The following HMGCLL1 variants were observed in gnomAD, a reference collection of about 807,000 sequenced individuals.
HMGCLL1 encodes 3-hydroxy-3-methylglutaryl-CoA lyase like 1.
Under a neutral mutation model 39.1 loss-of-function variants are expected in HMGCLL1, and 36 were observed. The observed-to-expected ratio is 0.92, with a 90% CI of 0.71 to 1.22. The LOEUF (loss-of-function observed/expected upper bound fraction) is 1.22. Among genes scored for constraint, HMGCLL1 ranks in the 50% most tolerant of loss-of-function variants. HMGCLL1 has a pLI of 0.00. For synonymous variants in HMGCLL1, 149 were observed against 144.0 expected (o/e 1.03, Z -0.25); for missense variants, 451 against 416.5 (o/e 1.08, Z -0.72).
chr6:55,595,881 C>T, the HMGCLL1 span, among the ~76,000 whole-genome samples: 1 of 152,160 alleles, frequency 6.6e-6, no homozygotes, highest in South Asian at 2.1e-4. Context: ...GATAACATAA[C>T]ATTTACTCTT....
chr6:55,633,543 A>C, the HMGCLL1 span, among the ~76,000 whole-genome samples: 30 of 152,004 alleles, frequency 2.0e-4, no homozygotes, highest in African/African-American at 6.0e-4. Context: ...GGTCAGAAAA[A>C]AATTTTCTGC....
the HMGCLL1 span, among the ~76,000 whole-genome samples, chr6:55,655,536 G>GATAGA: frequency 6.8e-6 from 1 of 147,620 alleles, no homozygotes; most frequent in Non-Finnish European, 1.5e-5. Context: ...AGTTATATTG[G>GATAGA]TAGATAGATA....
Position 55,544,197 on chromosome 6 carries a change from TC to T in HMGCLL1, c.109-2058del, listed in dbSNP as rs1769820797. Among the ~76,000 whole-genome samples the T allele has an allele frequency of 2.0e-5, 3 of 152,080 alleles. No homozygotes were observed. The South Asian group carries it at 6.2e-4, about 32-fold the overall frequency. ...TGCTAAAATCTGAGATGGCAAATGG[TC>T]TGGTTTCTGAAACCTCTGGTTTCAG... is the stretch of plus-strand genomic sequence containing the variant. On this transcript the variant is annotated intron_variant, in intron 1 of 8. Transcript: ENST00000274901.
chr6:55,628,068 G>GTATAT, the HMGCLL1 span, among the ~76,000 whole-genome samples: 1 of 84 alleles, frequency 0.012, no homozygotes, highest in African/African-American at 0.083. Context: ...TATATATAGT[G>GTATAT]TATATATATA....
rs189274946 is a variant in HMGCLL1 at position 55,543,979 on chromosome 6, G to T, written c.109-1839C>A. ...AACTTGAATATGAATTTGGTTTTGG[G>T]AATTGGGCCCAGAAAACTGAGGCTA... On this transcript the variant is annotated intron_variant, in intron 1 of 8. Transcript: ENST00000274901. Among the ~76,000 whole-genome samples, 173 of 152,170 alleles carry T rather than the reference G, an allele frequency of 1.1e-3. 1 individual carries two copies. Among genetic ancestry groups the T allele is most frequent in the African/African-American group, 4.0e-3 (168 of 41,528 alleles).
chr6:55,607,131 A>C, the HMGCLL1 span, among the ~76,000 whole-genome samples: 3 of 152,162 alleles, frequency 2.0e-5, no homozygotes, highest in Non-Finnish European at 1.5e-5. Context: ...TAGCACTAGA[A>C]TAGCTCACTT....
chr6:55,541,521 A>T (rs1371259336), intron 3 of HMGCLL1, among the ~76,000 whole-genome samples: 3 of 152,182 alleles, frequency 2.0e-5, no homozygotes, highest in Non-Finnish European at 2.9e-5. Context: ...ATATTGAACC[A>T]TACTCACACA....
chr6:55,486,461 G>A (rs1360097620), intron 7 of HMGCLL1, among the ~76,000 whole-genome samples: 2 of 151,900 alleles, frequency 1.3e-5, no homozygotes, highest in Non-Finnish European at 2.9e-5. Context: ...GCATGTTTGT[G>A]GCCCTGTGGA....
At chr6:55,664,482 G>A in the HMGCLL1 span, among the ~76,000 whole-genome samples, 3 of 151,650 alleles carry the variant, frequency 2.0e-5, no homozygotes, top group East Asian at 1.9e-4. Context: ...TATATACAGA[G>A]ATTAATAATA....
the HMGCLL1 span, among the ~76,000 whole-genome samples, chr6:55,674,023 G>A: frequency 6.6e-6 from 1 of 151,910 alleles, no homozygotes; most frequent in Non-Finnish European, 1.5e-5. Context: ...GAATGCAAAT[G>A]GAATAAGATG....
intron 1 of HMGCLL1, among the ~76,000 whole-genome samples, chr6:55,570,681 A>G (rs1771434068): frequency 6.6e-6 from 1 of 152,194 alleles, no homozygotes; most frequent in South Asian, 2.1e-4. Flanking sequence ...AGTGAAATTC[A>G]CTGGACTTTT....
At chr6:55,619,818 C>T in the HMGCLL1 span, among the ~76,000 whole-genome samples, 1 of 152,162 alleles carries the variant, frequency 6.6e-6, no homozygotes, top group East Asian at 1.9e-4. Context: ...TATTTAGGTA[C>T]ACATTAACCA....
At chr6:55,667,472 C>T in the HMGCLL1 span, among the ~76,000 whole-genome samples, 1 of 151,662 alleles carries the variant, frequency 6.6e-6, no homozygotes, top group Admixed American at 6.6e-5. Context: ...TGCAGAGAAG[C>T]TAAGTAATTT....
rs764288340 is a variant in HMGCLL1 at position 55,451,576 on chromosome 6, CAAAAACA to C, written c.796-12024_796-12018del. ...AAAAAAACAAAAACAAAAACAAAAA[CAAAAACA>C]AAAAAAGTCACTTAGGTGGTCAGTT... is the stretch of plus-strand genomic sequence containing the variant. On this transcript the variant is annotated intron_variant, in intron 7 of 8. Transcript: ENST00000274901. Among the ~76,000 whole-genome samples, 241 of 120,004 alleles carry C rather than the reference CAAAAACA, an allele frequency of 2.0e-3. 1 individual carries two copies. The highest frequency in any genetic ancestry group is 4.4e-3 in the African/African-American group (138 of 31,056). 78.7% of individuals were successfully genotyped at this position (120,004 alleles called of 152,430 possible).
the HMGCLL1 span, among the ~76,000 whole-genome samples, chr6:55,647,708 A>T: frequency 3.8e-5 from 5 of 133,310 alleles, no homozygotes; most frequent in Non-Finnish European, 6.7e-5. Context: ...CCCCCATTTT[A>T]ACTTTTTGTA....
intron 3 of HMGCLL1, among the ~76,000 whole-genome samples, chr6:55,523,888 G>A (rs1271904706): frequency 6.6e-6 from 1 of 151,784 alleles, no homozygotes; most frequent in Non-Finnish European, 1.5e-5. Context: ...TCATCCATGT[G>A]AAATCAAATG....
chr6:55,620,624 G>A, the HMGCLL1 span, among the ~76,000 whole-genome samples: 2 of 141,998 alleles, frequency 1.4e-5, no homozygotes. Flanking sequence ...CTTTTGGGGT[G>A]TTACACACAC....
chr6:55,647,947 G>A, the HMGCLL1 span, among the ~76,000 whole-genome samples: 1 of 100,654 alleles, frequency 9.9e-6, no homozygotes, highest in African/African-American at 4.1e-5. Flanking sequence ...AGTCCCCAGA[G>A]TGTGATATTC....
intron 3 of HMGCLL1, among the ~76,000 whole-genome samples, chr6:55,517,510 G>A (rs1267094372): frequency 6.6e-6 from 1 of 151,786 alleles, no homozygotes; most frequent in African/African-American, 2.4e-5. Flanking sequence ...AACCAAAACT[G>A]GAATCCTCAA....
Sources: gnomAD v4.1 joint callset for allele counts (sites outside exome capture counted in the v4.1 genomes callset) on GRCh38, gnomAD v4.1.1 for gene constraint, MANE v1.5 for transcripts, NCBI Gene and HGNC (gene_info 2026-07-23, HGNC 2026-07-21) for gene names.